The following TRIP4 variants were observed in gnomAD, a reference collection of about 807,000 sequenced individuals.
The protein encoded by TRIP4 is thyroid hormone receptor interactor 4.
In TRIP4, 54 loss-of-function variants were observed where a neutral mutation model predicts 81.8. That is an observed-to-expected ratio of 0.66 (90% CI 0.53 to 0.83). The LOEUF (loss-of-function observed/expected upper bound fraction) is 0.83. Ranked by LOEUF, TRIP4 falls within the 40% of genes least tolerant of loss-of-function variation. TRIP4 has a pLI of 0.00. For synonymous variants in TRIP4, 270 were observed against 242.8 expected, an observed-to-expected ratio of 1.11 and a Z score of -1.04; for missense variants, 662 against 683.6, an observed-to-expected ratio of 0.97 and a Z score of 0.35.
At chr15:64,431,891 T>C (rs2140305255) in intron 11 of TRIP4, among the ~76,000 whole-genome samples, 1 of 128,622 alleles carries the variant, frequency 7.8e-6, no homozygotes, top group African/African-American at 2.9e-5. Flanking sequence ...TTTTTTTTTT[T>C]TTTTTTTTTT....
At chr15:64,428,565 C>G (rs1300435442) in intron 11 of TRIP4, among the ~76,000 whole-genome samples, 1 of 152,076 alleles carries the variant, frequency 6.6e-6, no homozygotes, top group Non-Finnish European at 1.5e-5. Flanking sequence ...AATCCCATAC[C>G]CATTTTCCCT....
chr15:64,408,609 A>G (rs188216676), intron 6 of TRIP4, among the ~76,000 whole-genome samples: 94 of 152,242 alleles, frequency 6.2e-4, no homozygotes, highest in African/African-American at 2.2e-3. Context: ...TGAAGCCAAT[A>G]TATGAATCTA....
intron 8 of TRIP4, 47 bp from the exon 9 acceptor site, chr15:64,418,494 G>C (rs372646526): frequency 2.0e-6 from 3 of 1,523,424 alleles, no homozygotes; most frequent in African/African-American, 1.4e-5. Flanking sequence ...ACCTACCCCA[G>C]ATTCTTGCCT....
Position 64,397,685 on chromosome 15 carries a change from C to G in TRIP4, c.485C>G (p.Ala162Gly), listed in dbSNP as rs779516117. The G allele has an allele frequency of 1.2e-6, 2 of 1,614,086 alleles. No individual in the cohort carries two copies. Among genetic ancestry groups the G allele is most frequent in the Non-Finnish European group, 8.5e-7 (1 of 1,180,024 alleles). Residue 162 changes from alanine to glycine, a missense_variant, in exon 4 of 13, where the codon GCA (alanine) becomes GGA (glycine). Coordinates refer to ENST00000261884, the MANE Select transcript of TRIP4 (RefSeq NM_016213.5). ...ACAAGAGAGGGACAGGACAGGCTTG[C>G]AGTCCTGCTCCCTGGTCGTCACCCT... is the stretch of plus-strand genomic sequence containing the variant. Reference protein sequence around the residue: ...LYTREGQDRLAVLLPGRHPCD... With the variant: ...LYTREGQDRLGVLLPGRHPCD...
intron 11 of TRIP4, among the ~76,000 whole-genome samples, chr15:64,427,943 C>T (rs1465373545): frequency 6.6e-6 from 1 of 152,076 alleles, no homozygotes; most frequent in Non-Finnish European, 1.5e-5. Context: ...TGTCTACTTT[C>T]TTCCTCCCCC....
rs756373493 is a variant in TRIP4, at chr15:64,445,038, A to AT, written c.1611dup (p.Val538CysfsTer17). ...ACATCAGTCAAGAGTCTGATTCTCCATTTGTTTTCATCTGCAAAAATCCTC... is the reference window on the plus strand; with the variant it reads ...ACATCAGTCAAGAGTCTGATTCTCCATTTTGTTTTCATCTGCAAAAATCCTC... On this transcript the variant is annotated frameshift_variant, in exon 12 of 13. Transcript: ENST00000261884. LOFTEE classifies it high-confidence loss of function. 7.5e-6 allele frequency: 12 copies of AT among 1,600,824 alleles called. No individual in the cohort carries two copies. The highest frequency in any genetic ancestry group is 8.5e-6 in the Non-Finnish European group (10 of 1,170,726).
chr15:64,397,912 T>A, intron 4 of TRIP4, 94 bp downstream of exon 4: 2 of 1,423,052 alleles, frequency 1.4e-6, no homozygotes, highest in South Asian at 2.8e-5. Context: ...TTTGTTTTTT[T>A]TTGGTTGAGA....
At position 64,399,138 on chromosome 15, in the gene TRIP4, A is replaced by G. The variant is rs961470799; in HGVS notation, c.618+1320A>G. Among the ~76,000 whole-genome samples, 6 of 151,624 alleles carry G rather than the reference A, an allele frequency of 4.0e-5. No individual in the cohort carries two copies. In the East Asian group the frequency reaches 7.8e-4, roughly 20 times the overall value. On this transcript the variant is annotated intron_variant, in intron 4 of 12. Coordinates refer to ENST00000261884, the MANE Select transcript of TRIP4 (RefSeq NM_016213.5). Reference sequence around the variant, plus strand: ...CTAATTTTTTGTATTTTTAGTAGAGACAGGGTTTCACCATATTGGTCAAGC... The same window carrying G: ...CTAATTTTTTGTATTTTTAGTAGAGGCAGGGTTTCACCATATTGGTCAAGC...
chr15:64,451,968 A>T (rs200306608), intron 12 of TRIP4, among the ~76,000 whole-genome samples: 72 of 29,964 alleles, frequency 2.4e-3, no homozygotes, highest in Admixed American at 6.3e-3. Flanking sequence ...AAAAAAAAAA[A>T]TTTTTTTTTT....
intron 11 of TRIP4, among the ~76,000 whole-genome samples, chr15:64,439,874 G>A (rs1415803093): frequency 6.6e-6 from 1 of 151,856 alleles, no homozygotes; most frequent in African/African-American, 2.4e-5. Flanking sequence ...CAGATCATCT[G>A]GGAATTTGTT....
intron 3 of TRIP4, 86 bp downstream of exon 3, chr15:64,395,617 G>T (rs748494261): frequency 2.1e-6 from 3 of 1,401,098 alleles, no homozygotes; most frequent in Non-Finnish European, 2.9e-6. Context: ...TGTACAAATT[G>T]GTCTAGAATG....
At chr15:64,438,236 TAACTC>T (rs1284755752) in intron 11 of TRIP4, among the ~76,000 whole-genome samples, 3 of 152,222 alleles carry the variant, frequency 2.0e-5, no homozygotes, top group South Asian at 4.1e-4. Flanking sequence ...GCACAGCCCT[TAACTC>T]AAGAGAAGTC....
Position 64,447,964 on chromosome 15 carries a change from G to A in TRIP4, c.1678+2856G>A, listed in dbSNP as rs192377764. On this transcript the variant is annotated intron_variant, in intron 12 of 12. Transcript: ENST00000261884. The stretch of plus-strand genomic sequence containing the variant: ...TCCTCCTGCCTTGGCCTCCTAAAGC[G>A]TTAGGATTACAGGTGTGAGCCACCA... Among the ~76,000 whole-genome samples, 4 of 152,242 alleles carry A rather than the reference G, an allele frequency of 2.6e-5. No individual in the cohort carries two copies. In the East Asian group the frequency reaches 5.8e-4, roughly 22 times the overall value.
rs115051562 is a variant in TRIP4, at chr15:64,394,099, G to A, written c.255G>A (p.Gln85=). 1.5e-3 allele frequency: 2,425 copies of A among 1,597,908 alleles called. 36 individuals are homozygous for A. In the African/African-American group the frequency reaches 0.03, roughly 20 times the overall value. ...AGTTGATTTCGGATCCTTTGCAGCA[G>A]TGCTTCAAAAAAGATGGTAAGTTAA... The part of the protein sequence containing the change: ...DQELISDPLQ[Q]CFKKDEILDG... The change falls in exon 2 of 13, where the codon CAG becomes CAA. Residue 85 remains glutamine, a synonymous_variant. Transcript: ENST00000261884.
intron 5 of TRIP4, among the ~76,000 whole-genome samples, chr15:64,404,489 T>C (rs1449487871): frequency 2.0e-5 from 3 of 151,574 alleles, no homozygotes; most frequent in Admixed American, 6.6e-5. Context: ...CCCAGCTAAT[T>C]TTTGCATTTA....
At chr15:64,431,855 T>TTTTTTA (rs1281067687) in intron 11 of TRIP4, among the ~76,000 whole-genome samples, 4 of 131,754 alleles carry the variant, frequency 3.0e-5, no homozygotes, top group Non-Finnish European at 6.5e-5. Context: ...ATATTTTTTT[T>TTTTTTA]ATCCAAAGAG....
chr15:64,448,093 T>A (rs1892674132), intron 12 of TRIP4, among the ~76,000 whole-genome samples: 1 of 152,186 alleles, frequency 6.6e-6, no homozygotes, highest in African/African-American at 2.4e-5. Flanking sequence ...TTCCTCTAGG[T>A]ACTGGTGGCA....
At chr15:64,431,849 T>TATATATATATATATATATA (rs1566981702) in intron 11 of TRIP4, among the ~76,000 whole-genome samples, 4 of 81,426 alleles carry the variant, frequency 4.9e-5, no homozygotes, top group African/African-American at 1.6e-4. Flanking sequence ...ATATATATAT[T>TATATATATATATATATATA]TTTTTTATCC....
chr15:64,399,764 G>A (rs1891445853), intron 4 of TRIP4, among the ~76,000 whole-genome samples: 1 of 152,026 alleles, frequency 6.6e-6, no homozygotes, highest in Admixed American at 6.6e-5. Context: ...GCCTCCCAAA[G>A]TGCTGGGATT....
Sources: gnomAD v4.1 joint callset for allele counts (sites outside exome capture counted in the v4.1 genomes callset) on GRCh38, gnomAD v4.1.1 for gene constraint, MANE v1.5 for transcripts, NCBI Gene and HGNC (gene_info 2026-07-23, HGNC 2026-07-21) for gene names.